ROBO2: variants seen among roughly 807,000 people sequenced by gnomAD.
ROBO2 encodes roundabout homolog 2.
Under a neutral mutation model 160.8 loss-of-function variants are expected in ROBO2, and 53 were observed. The observed-to-expected ratio is 0.33, with a 90% CI of 0.26 to 0.41. The LOEUF is 0.41. Ranked by LOEUF, ROBO2 falls within the 10% of genes least tolerant of loss-of-function variation. The probability of loss-of-function intolerance (pLI) is 1.00; values close to 1 mark genes in which losing one functional copy is unlikely to be tolerated. For missense variants in ROBO2, 1,577 were observed against 1,722.4 expected (o/e 0.92, Z 1.49); for synonymous variants, 664 against 611.7 (o/e 1.09, Z -1.26).
intron 2 of ROBO2, among the ~76,000 whole-genome samples, chr3:76,330,169 G>A (rs2073373136): frequency 6.6e-6 from 1 of 152,162 alleles, no homozygotes; most frequent in Non-Finnish European, 1.5e-5. Flanking sequence ...CAAGCACCTT[G>A]CAGTCTAAAA....
intron 12 of ROBO2, among the ~76,000 whole-genome samples, chr3:77,566,245 G>C (rs951153893): frequency 6.6e-6 from 1 of 152,004 alleles, no homozygotes; most frequent in African/African-American, 2.4e-5. Context: ...TGACAGTCAA[G>C]GGAGGAGGAA....
chr3:76,530,508 C>T (rs2082168582), intron 2 of ROBO2, among the ~76,000 whole-genome samples: 1 of 152,162 alleles, frequency 6.6e-6, no homozygotes, highest in South Asian at 2.1e-4. Context: ...CATACCATGC[C>T]TTCTTTCCTA....
At chr3:76,982,061 T>TA (rs985580986) in intron 2 of ROBO2, among the ~76,000 whole-genome samples, 2 of 152,046 alleles carry the variant, frequency 1.3e-5, no homozygotes, top group African/African-American at 4.8e-5. Flanking sequence ...TTCTTTGAAC[T>TA]AAAAAAAGCC....
chr3:77,589,345 T>C (rs543171220), intron 17 of ROBO2, among the ~76,000 whole-genome samples: 2 of 152,238 alleles, frequency 1.3e-5, no homozygotes, highest in Non-Finnish European at 2.9e-5. Context: ...GTTTGAAATA[T>C]AGCTTTTAGT....
At chr3:76,074,092 A>G (rs2068565065) in intron 2 of ROBO2, among the ~76,000 whole-genome samples, 1 of 151,932 alleles carries the variant, frequency 6.6e-6, no homozygotes. Context: ...ATCAGATAAT[A>G]TGGCATCTCT....
At chr3:76,372,784 G>T (rs1272181356) in intron 2 of ROBO2, among the ~76,000 whole-genome samples, 5 of 151,832 alleles carry the variant, frequency 3.3e-5, no homozygotes, top group Non-Finnish European at 2.9e-5. Flanking sequence ...TGCTTCTCTA[G>T]TACTAACTCC....
intron 2 of ROBO2, among the ~76,000 whole-genome samples, chr3:77,387,614 C>T (rs1033866962): frequency 6.6e-6 from 1 of 151,508 alleles, no homozygotes; most frequent in African/African-American, 2.4e-5. Context: ...GAAAATAAAG[C>T]TTGAGACCCC....
At chr3:77,419,351 G>A (rs2077516373) in intron 2 of ROBO2, among the ~76,000 whole-genome samples, 1 of 152,086 alleles carries the variant, frequency 6.6e-6, no homozygotes, top group Non-Finnish European at 1.5e-5. Flanking sequence ...CTTAATGGTA[G>A]TACTAGCATG....
At chr3:76,343,603 C>G (rs956514154) in intron 2 of ROBO2, among the ~76,000 whole-genome samples, 10 of 151,542 alleles carry the variant, frequency 6.6e-5, no homozygotes, top group African/African-American at 2.4e-4. Context: ...ACGTTTGCAC[C>G]AACCTAATAT....
chr3:76,652,967 T>A (rs1010198553), intron 2 of ROBO2, among the ~76,000 whole-genome samples: 23 of 152,170 alleles, frequency 1.5e-4, no homozygotes, highest in African/African-American at 5.3e-4. Flanking sequence ...GACTAAAATA[T>A]ATTCATGATA....
At chr3:76,281,339 T>TTGC (rs1708221862) in intron 2 of ROBO2, among the ~76,000 whole-genome samples, 1 of 151,970 alleles carries the variant, frequency 6.6e-6, no homozygotes, top group African/African-American at 2.4e-5. Context: ...TCTGCAACTA[T>TTGC]ATGGGTATAT....
intron 2 of ROBO2, among the ~76,000 whole-genome samples, chr3:76,545,759 A>G (rs559889371): frequency 1.2e-4 from 18 of 152,006 alleles, no homozygotes; most frequent in Non-Finnish European, 2.2e-4. Context: ...ATACTTTGTC[A>G]AAAAGTGTAG....
chr3:77,345,956 A>G (rs1167301473), intron 2 of ROBO2, among the ~76,000 whole-genome samples: 2 of 152,192 alleles, frequency 1.3e-5, no homozygotes, highest in Admixed American at 6.6e-5. Context: ...ACATCCAGAA[A>G]TTACACATAA....
intron 23 of ROBO2, chr3:77,632,310 A>G: frequency 1.8e-6 from 1 of 545,700 alleles, no homozygotes; most frequent in South Asian, 3.5e-5. Flanking sequence ...TCTTCTGCAC[A>G]AAAAATGTTT....
intron 2 of ROBO2, among the ~76,000 whole-genome samples, chr3:76,268,744 C>T (rs1400236): frequency 0.086 from 13,127 of 152,128 alleles, 974 homozygotes; most frequent in African/African-American, 0.19. Flanking sequence ...ATCATCATTT[C>T]CTCCTCTCTT....
intron 23 of ROBO2, among the ~76,000 whole-genome samples, chr3:77,627,593 C>T (rs752951139): frequency 2.6e-5 from 4 of 151,988 alleles, no homozygotes; most frequent in Non-Finnish European, 4.4e-5. Context: ...CTCTGAGGCA[C>T]GCAGGTGGAA....
At chr3:76,365,666 C>A (rs998855016) in intron 2 of ROBO2, among the ~76,000 whole-genome samples, 2 of 152,004 alleles carry the variant, frequency 1.3e-5, no homozygotes, top group Non-Finnish European at 2.9e-5. Flanking sequence ...ATGATAATGA[C>A]AAGACCTCAA....
chr3:76,492,953 AATTAC>A lies in ROBO2; in HGVS notation c.109+555356_109+555360del, dbSNP rs2079915625. On this transcript the variant is annotated intron_variant, in intron 2 of 26. Coordinates refer to the ROBO2 transcript ENST00000487694. ...AATTTTTACATTGTACATTGGTTAT[AATTAC>A]ATTATGTTTTTAAAATAATTTAATT... Among the ~76,000 whole-genome samples, 3 of 152,168 alleles carry A rather than the reference AATTAC, an allele frequency of 2.0e-5. No homozygotes were observed. In the South Asian group the frequency reaches 6.2e-4, roughly 31 times the overall value.
chr3:75,966,420 C>G (rs1223227606), intron 2 of ROBO2, among the ~76,000 whole-genome samples: 1 of 151,698 alleles, frequency 6.6e-6, no homozygotes, highest in Admixed American at 6.6e-5. Context: ...ACAGTTTTCT[C>G]TTTAATGCTT....
Sources: gnomAD v4.1 joint callset for allele counts (sites outside exome capture counted in the v4.1 genomes callset) on GRCh38, gnomAD v4.1.1 for gene constraint, MANE v1.5 for transcripts, NCBI Gene and HGNC (gene_info 2026-07-23, HGNC 2026-07-21) for gene names.